Variants in FARS2 observed in about 807,000 individuals in gnomAD.
The protein encoded by FARS2 is phenylalanine--tRNA ligase, mitochondrial.
A neutral mutation model predicts 46.4 loss-of-function variants in FARS2; 40 were observed. The ratio of observed to expected loss-of-function variants is 0.86; its 90% CI spans 0.67 to 1.12. FARS2 has a LOEUF of 1.12. Among genes scored for constraint, FARS2 ranks in the 50% most tolerant of loss-of-function variants. The pLI is 0.00. For missense variants in FARS2, 513 were observed against 567.9 expected (o/e 0.90, Z 0.98); for synonymous variants, 234 against 214.9 (o/e 1.09, Z -0.78).
chr6:5,283,548 C>CAA (rs11397113), intron 1 of FARS2, among the ~76,000 whole-genome samples: 6,105 of 124,894 alleles, frequency 0.049, 441 homozygotes, highest in African/African-American at 0.15. Flanking sequence ...GACTTTGTTT[C>CAA]AAAAAAAAAA....
At chr6:5,318,579 CACAA>C (rs1769730858) in intron 1 of FARS2, among the ~76,000 whole-genome samples, 5 of 152,018 alleles carry the variant, frequency 3.3e-5, no homozygotes, top group Admixed American at 3.3e-4. Flanking sequence ...GGACAAAAAG[CACAA>C]ACAAAGCAAG....
intron 1 of FARS2, among the ~76,000 whole-genome samples, chr6:5,353,493 G>A (rs1757704243): frequency 6.6e-6 from 1 of 152,076 alleles, no homozygotes; most frequent in African/African-American, 2.4e-5. Context: ...TTTCCATAGT[G>A]GCTGTATTAA....
At chr6:5,733,582 C>T (rs1362878828) in intron 6 of FARS2, among the ~76,000 whole-genome samples, 1 of 152,184 alleles carries the variant, frequency 6.6e-6, no homozygotes. Flanking sequence ...CACTGCCTTG[C>T]CCTAATTTTA....
chr6:5,694,902 G>GAGGCT (rs1758004203), intron 6 of FARS2: 1 of 151,978 alleles, frequency 6.6e-6, no homozygotes. Context: ...GGCCATTGGG[G>GAGGCT]AGGCTAAGGT....
intron 5 of FARS2, among the ~76,000 whole-genome samples, chr6:5,546,522 T>C (rs192863914): frequency 4.6e-4 from 70 of 152,072 alleles, no homozygotes; most frequent in Non-Finnish European, 8.4e-4. Flanking sequence ...AGTGCTGGGA[T>C]TACAGGAGTG....
In FARS2 at chr6:5,567,341, G is replaced by A. The variant is rs143462884; in HGVS notation, c.1065+22001G>A. On this transcript the variant is annotated intron_variant, in intron 5 of 6. Transcript: ENST00000274680. ...AGAAATGTCCTTTCGAGTACTTTGC[G>A]CATTTTTTAATTGAGTTCTTTGTTT... Among the ~76,000 whole-genome samples the A allele has an allele frequency of 2.5e-3, 382 of 152,140 alleles. 2 individuals are homozygous for A. The Middle Eastern group carries it at 0.031, about 12-fold the overall frequency.
At position 5,620,789 on chromosome 6, in the gene FARS2, A is replaced by G. The variant is rs556612877; in HGVS notation, c.1217+7469A>G. On this transcript the variant is annotated intron_variant, in intron 6 of 6. Transcript: ENST00000274680. Reference sequence around the variant, plus strand: ...TTAGCCCAACTCAACTTTTCCTGCTAGATCAGAGGCAGTTGGTGGATGGGC... The same window carrying G: ...TTAGCCCAACTCAACTTTTCCTGCTGGATCAGAGGCAGTTGGTGGATGGGC... Among the ~76,000 whole-genome samples the G allele has an allele frequency of 2.6e-5, 4 of 152,348 alleles. No homozygotes were observed. The East Asian group carries it at 7.7e-4, about 29-fold the overall frequency.
chr6:5,459,338 CT>C (rs1291004248), intron 4 of FARS2, among the ~76,000 whole-genome samples: 1 of 151,884 alleles, frequency 6.6e-6, no homozygotes, highest in African/African-American at 2.4e-5. Context: ...TTGCTTCAAA[CT>C]TTTTTTCCAG....
chr6:5,290,900 T>C (rs1767456536), intron 1 of FARS2: 1 of 152,158 alleles, frequency 6.6e-6, no homozygotes, highest in South Asian at 2.1e-4. Flanking sequence ...TTAACTTTTT[T>C]GTAGAGACAG....
chr6:5,424,049 G>A (rs112720573), intron 3 of FARS2, among the ~76,000 whole-genome samples: 1 of 152,146 alleles, frequency 6.6e-6, no homozygotes, highest in African/African-American at 2.4e-5. Flanking sequence ...TAAACAGCAA[G>A]GGCAAGGAAG....
intron 5 of FARS2, among the ~76,000 whole-genome samples, chr6:5,562,302 T>C (rs1772030737): frequency 6.6e-6 from 1 of 151,560 alleles, no homozygotes; most frequent in Non-Finnish European, 1.5e-5. Flanking sequence ...AGTTAAGAAG[T>C]GGTCTTTTAA....
intron 6 of FARS2, among the ~76,000 whole-genome samples, chr6:5,625,833 C>A (rs1198778283): frequency 1.3e-5 from 2 of 152,142 alleles, no homozygotes; most frequent in African/African-American, 4.8e-5. Context: ...TGGCCAGGCT[C>A]CAGATGGTCT....
intron 4 of FARS2, among the ~76,000 whole-genome samples, chr6:5,489,363 G>A (rs1766966532): frequency 1.3e-5 from 2 of 152,096 alleles, no homozygotes; most frequent in South Asian, 2.1e-4. Context: ...CTGAGGAACT[G>A]GAATCACTTG....
At chr6:5,448,815 A>T (rs1764321753) in intron 4 of FARS2, among the ~76,000 whole-genome samples, 1 of 152,190 alleles carries the variant, frequency 6.6e-6, no homozygotes, top group South Asian at 2.1e-4. Flanking sequence ...TGATATGTGG[A>T]TTGAATGAGG....
chr6:5,633,560 G>A (rs993732628), intron 6 of FARS2, among the ~76,000 whole-genome samples: 5 of 152,022 alleles, frequency 3.3e-5, no homozygotes, highest in African/African-American at 4.8e-5. Context: ...GAGCCACCAC[G>A]CCCGGCACCT....
At chr6:5,503,403 CACAGAGAG>C (rs1243997102) in intron 4 of FARS2, among the ~76,000 whole-genome samples, 1,525 of 74,284 alleles carry the variant, frequency 0.021, 12 homozygotes, top group African/African-American at 0.03. Flanking sequence ...CACACACACA[CACAGAGAG>C]AGAGAGAGAG....
chr6:5,358,496 A>AAG (rs982746827), intron 1 of FARS2, among the ~76,000 whole-genome samples: 6 of 151,830 alleles, frequency 4.0e-5, no homozygotes, highest in Admixed American at 6.6e-5. Context: ...ATTTTTGTGT[A>AAG]AGAGAGAGAG....
chr6:5,567,814 G>A (rs1411398839), intron 5 of FARS2, among the ~76,000 whole-genome samples: 1 of 152,234 alleles, frequency 6.6e-6, no homozygotes, highest in Non-Finnish European at 1.5e-5. Flanking sequence ...TATTTAGCTA[G>A]TCGCTAGCTA....
At chr6:5,386,255 T>C (rs1412043938) in intron 2 of FARS2, among the ~76,000 whole-genome samples, 1 of 152,008 alleles carries the variant, frequency 6.6e-6, no homozygotes, top group Non-Finnish European at 1.5e-5. Context: ...GGAATGAAGA[T>C]GTATGAAGGT....
Sources: allele counts gnomAD v4.1 joint callset (sites outside exome capture counted in the v4.1 genomes callset), GRCh38; gene constraint gnomAD v4.1.1; transcripts MANE v1.5; gene names NCBI Gene and HGNC (gene_info 2026-07-23, HGNC 2026-07-21).